Variants in PSMB2 observed in about 807,000 individuals in gnomAD.
The protein encoded by PSMB2 is proteasome subunit beta type-2.
In PSMB2, 13 loss-of-function variants were observed where a neutral mutation model predicts 25.7. The ratio of observed to expected loss-of-function variants is 0.51; its 90% confidence interval spans 0.33 to 0.80. The LOEUF is 0.80. Among genes scored for constraint, PSMB2 ranks in the 30% least tolerant of loss-of-function variants. The pLI is 0.02. For synonymous variants in PSMB2, 87 were observed against 96.2 expected, an observed-to-expected ratio of 0.90 and a Z score of 0.56; for missense variants, 202 against 259.0, an observed-to-expected ratio of 0.78 and a Z score of 1.51.
intron 4 of PSMB2, among the ~76,000 whole-genome samples, 183 bp from the exon 5 acceptor site, chr1:35,605,465 CA>C (rs1650139206): frequency 6.6e-6 from 1 of 152,258 alleles, no homozygotes; most frequent in Admixed American, 6.5e-5. Flanking sequence ...GGGGGGGCCC[CA>C]GACCCAGTGC....
Position 35,600,946 on chromosome 1 carries a change from T to C in PSMB2, c.*2321A>G. ...TCATGGAATTCTCATATCTACCACATAGAATAGGTGCTATTTCAGTCATTG... is the reference window on the plus strand; with the variant it reads ...TCATGGAATTCTCATATCTACCACACAGAATAGGTGCTATTTCAGTCATTG... On this transcript the variant is annotated 3_prime_UTR_variant, in exon 6 of 6. Coordinates refer to ENST00000373237, the MANE Select transcript of PSMB2 (RefSeq NM_002794.5). 1 of 984,612 alleles carries C rather than the reference T, an allele frequency of 1.0e-6. No homozygotes were observed. Among genetic ancestry groups the C allele is most frequent in the African/African-American group, 1.7e-5 (1 of 57,212 alleles). The allele number at this position is 984,612 out of a possible 1,614,324, so 61.0% of individuals were successfully genotyped here. A position where few individuals can be genotyped will look rare whatever the true frequency, so the allele number is the denominator to read the frequency against.
chr1:35,635,710 T>C (rs957529248), intron 2 of PSMB2, among the ~76,000 whole-genome samples: 2 of 151,028 alleles, frequency 1.3e-5, no homozygotes, highest in Non-Finnish European at 2.9e-5. Flanking sequence ...GTGCCTGTAG[T>C]CCCAGCTACT....
At chr1:35,629,565 C>T (rs1391688275) in intron 3 of PSMB2, among the ~76,000 whole-genome samples, 3 of 152,134 alleles carry the variant, frequency 2.0e-5, no homozygotes, top group African/African-American at 7.2e-5. Flanking sequence ...TCCCAGCACC[C>T]TGAAAGGCCA....
At chr1:35,625,096 G>C (rs2148572391) in intron 3 of PSMB2, among the ~76,000 whole-genome samples, 1 of 151,882 alleles carries the variant, frequency 6.6e-6, no homozygotes, top group East Asian at 1.9e-4. Context: ...GTCTTCCTTG[G>C]TGAGTATCCT....
In PSMB2 at chr1:35,601,055, C is replaced by A. The variant is rs1387973809; in HGVS notation, c.*2212G>T. ...GGTAGGGCGTCAGAATCATCTGTGG[C>A]GCTTTTTTTTTTTTTTTTTTTTTTT... On this transcript the variant is annotated 3_prime_UTR_variant, in exon 6 of 6. Coordinates refer to ENST00000373237, the MANE Select transcript of PSMB2 (RefSeq NM_002794.5). 2.5e-6 allele frequency: 1 copy of A among 397,478 alleles called. No individual in the cohort carries two copies. The highest frequency in any genetic ancestry group is 9.3e-5 in the Admixed American group (1 of 10,728). The allele number at this position is 397,478 out of a possible 1,614,324, so 24.6% of individuals were successfully genotyped here.
chr1:35,615,378 CA>C (rs201967297), intron 3 of PSMB2, among the ~76,000 whole-genome samples: 2,278 of 152,302 alleles, frequency 0.015, 62 homozygotes, highest in African/African-American at 0.051. Flanking sequence ...GGCGAGTGTG[CA>C]CTGCACACAG....
intron 4 of PSMB2, among the ~76,000 whole-genome samples, chr1:35,608,415 A>G (rs775971128): frequency 4.1e-4 from 62 of 152,200 alleles, no homozygotes; most frequent in Middle Eastern, 3.4e-3. Flanking sequence ...AATAAGTTCT[A>G]TTGTTCTATA....
intron 3 of PSMB2, among the ~76,000 whole-genome samples, chr1:35,628,383 T>C (rs2148574140): frequency 6.6e-6 from 1 of 151,578 alleles, no homozygotes; most frequent in South Asian, 2.1e-4. Flanking sequence ...TATGACACAG[T>C]ATTTATTGTG....
intron 4 of PSMB2, among the ~76,000 whole-genome samples, chr1:35,606,121 G>C (rs1189922850): frequency 6.6e-6 from 1 of 152,208 alleles, no homozygotes; most frequent in African/African-American, 2.4e-5. Context: ...ACTGCCCACA[G>C]AGGCTAAAGT....
intron 4 of PSMB2, among the ~76,000 whole-genome samples, chr1:35,608,108 T>C (rs1245088428): frequency 2.0e-5 from 3 of 152,204 alleles, no homozygotes; most frequent in Non-Finnish European, 4.4e-5. Context: ...CTCACGCCTG[T>C]AATCCCAACA....
intron 1 of PSMB2, 68 bp from the exon 2 acceptor site, chr1:35,636,500 C>T (rs1443419895): frequency 6.5e-7 from 1 of 1,547,890 alleles, no homozygotes; most frequent in Non-Finnish European, 8.7e-7. Context: ...TTTATGTAAC[C>T]ATAAACAGGT....
Position 35,603,387 on chromosome 1 carries a change from A to G in PSMB2, c.499-13T>C. 1 of 1,613,812 alleles carries G rather than the reference A, an allele frequency of 6.2e-7. No individual in the cohort carries two copies. The highest frequency in any genetic ancestry group is 8.5e-7 in the Non-Finnish European group (1 of 1,179,790). On this transcript the variant is annotated splice_polypyrimidine_tract_variant and intron_variant, in intron 5 of 5. Transcript: ENST00000373237. Reference sequence around the variant, plus strand: ...AGCGTTTCTGGAGCTGCAGAGAGACATGGAGGAAATCAGTCAACAAATGAT... The same window carrying G: ...AGCGTTTCTGGAGCTGCAGAGAGACGTGGAGGAAATCAGTCAACAAATGAT...
At chr1:35,635,635 C>T (rs999116188) in intron 2 of PSMB2, among the ~76,000 whole-genome samples, 1 of 151,988 alleles carries the variant, frequency 6.6e-6, no homozygotes, top group Non-Finnish European at 1.5e-5. Context: ...TGGAGACCAT[C>T]CTGGTCAACG....
chr1:35,616,700 C>T (rs990933592), intron 3 of PSMB2, among the ~76,000 whole-genome samples: 3 of 152,156 alleles, frequency 2.0e-5, no homozygotes, highest in African/African-American at 7.2e-5. Context: ...TTTGCCAATC[C>T]CCAATTTTTC....
chr1:35,632,497 T>C (rs1415058264), intron 2 of PSMB2, among the ~76,000 whole-genome samples: 1 of 152,222 alleles, frequency 6.6e-6, no homozygotes, highest in East Asian at 1.9e-4. Context: ...CTAACAAATA[T>C]TTATTGAGCA....
Position 35,615,987 on chromosome 1 carries a change from G to T in PSMB2, c.286-6579C>A, listed in dbSNP as rs370852302. On this transcript the variant is annotated intron_variant, in intron 3 of 5. Coordinates refer to ENST00000373237, the MANE Select transcript of PSMB2 (RefSeq NM_002794.5). ...ATCTGCTATTTCTTTTAGTCCAGGG[G>T]ATTGTCAAAACTGCCTAAAATTCCA... 1.9e-4 allele frequency among the ~76,000 whole-genome samples: 29 copies of T among 152,298 alleles called. No individual in the cohort carries two copies. The East Asian group carries it at 3.3e-3, about 17-fold the overall frequency.
intron 3 of PSMB2, among the ~76,000 whole-genome samples, chr1:35,611,336 T>C (rs962703865): frequency 6.6e-6 from 1 of 152,058 alleles, no homozygotes; most frequent in Admixed American, 6.5e-5. Flanking sequence ...TTTTGCTTTT[T>C]TTGGGGGGAG....
At chr1:35,623,832 A>G (rs1359066765) in intron 3 of PSMB2, among the ~76,000 whole-genome samples, 1 of 152,248 alleles carries the variant, frequency 6.6e-6, no homozygotes, top group African/African-American at 2.4e-5. Flanking sequence ...GTGATATTTC[A>G]ATCACATGTA....
At chr1:35,623,337 A>G (rs61183808) in intron 3 of PSMB2, among the ~76,000 whole-genome samples, 3,083 of 152,336 alleles carry the variant, frequency 0.02, 90 homozygotes, top group East Asian at 0.061. Flanking sequence ...CTTGGCCTAC[A>G]GTGACAATCC....
Sources: gnomAD v4.1 joint callset for allele counts (sites outside exome capture counted in the v4.1 genomes callset) on GRCh38, gnomAD v4.1.1 for gene constraint, MANE v1.5 for transcripts, NCBI Gene and HGNC (gene_info 2026-07-23, HGNC 2026-07-21) for gene names.